CCNL1: variants seen among roughly 807,000 people sequenced by gnomAD.
CCNL1 encodes cyclin-L1.
CCNL1 carries 13 observed loss-of-function variants against 60.6 expected under a neutral mutation model. That is an observed-to-expected ratio of 0.21 (90% CI 0.14 to 0.34). The LOEUF (loss-of-function observed/expected upper bound fraction) is 0.34, where lower values mean the gene tolerates loss of function less well. CCNL1 is among the 10% of genes least tolerant of loss of function. The pLI, the probability that CCNL1 is intolerant of heterozygous loss-of-function variation, is 1.00. For synonymous variants in CCNL1, 270 were observed against 244.3 expected (o/e 1.10, Z -0.98); for missense variants, 481 against 664.3 (o/e 0.72, Z 3.03).
rs769608405 is a variant in CCNL1 at position 157,149,613 on chromosome 3, T to C, written c.1022-17A>G. ...TTGGTGATGCTTTTAAAAGATATAA[T>C]AACAACATGTTAACTACTGGATTTA... On this transcript the variant is annotated splice_polypyrimidine_tract_variant and intron_variant, in intron 8 of 10. Transcript: ENST00000295926. 1.0e-5 allele frequency: 16 copies of C among 1,601,960 alleles called. No individual in the cohort carries two copies. Among genetic ancestry groups the C allele is most frequent in the Middle Eastern group, 1.7e-4 (1 of 6,028 alleles).
intron 6 of CCNL1, 26 bp downstream of exon 6, chr3:157,150,256 G>C (rs201379240): frequency 5.0e-6 from 8 of 1,612,326 alleles, no homozygotes; most frequent in Non-Finnish European, 6.8e-6. Flanking sequence ...TTATCCTACA[G>C]AACAAAATGG....
At chr3:157,144,394 C>T (rs1380710820), downstream of CCNL1, among the ~76,000 whole-genome samples, 1 of 152,154 alleles carries the variant, frequency 6.6e-6, no homozygotes, top group African/African-American at 2.4e-5. Context: ...ATTTGCCCAA[C>T]ACATATACTA....
rs1737842238 is a variant in CCNL1 at position 157,147,739 on chromosome 3, T to C, written c.*502A>G. 1.0e-6 allele frequency: 1 copy of C among 984,528 alleles called. No homozygotes were observed. The highest frequency in any genetic ancestry group is 1.2e-6 in the Non-Finnish European group (1 of 829,102). The allele number at this position is 984,528 out of a possible 1,614,324, so 61.0% of individuals were successfully genotyped here. ...GTTTGTCAGAAAACCAGTACAGCCA[T>C]TTTGCTATTAAAATTTTCCTTTTTA... On this transcript the variant is annotated 3_prime_UTR_variant, in exon 11 of 11. Coordinates refer to ENST00000295926, the MANE Select transcript of CCNL1 (RefSeq NM_020307.4).
Position 157,152,161 on chromosome 3 carries a change from T to C in CCNL1, c.674+16A>G. 6.2e-7 allele frequency: 1 copy of C among 1,607,218 alleles called. No individual in the cohort carries two copies. Among genetic ancestry groups the C allele is most frequent in the Non-Finnish European group, 8.5e-7 (1 of 1,178,086 alleles). ...TGTTTTCCTGGCTAGGAAAGAAATCTAAAAAAGTGACTTACCAGGCAGTTT... is the reference window on the plus strand; with the variant it reads ...TGTTTTCCTGGCTAGGAAAGAAATCCAAAAAAGTGACTTACCAGGCAGTTT... On this transcript the variant is annotated intron_variant, in intron 5 of 10. Coordinates refer to ENST00000295926, the MANE Select transcript of CCNL1 (RefSeq NM_020307.4).
At chr3:157,158,457 A>C (rs1738796068) in intron 3 of CCNL1, among the ~76,000 whole-genome samples, 1 of 151,622 alleles carries the variant, frequency 6.6e-6, no homozygotes, top group African/African-American at 2.4e-5. Context: ...AGAAAAACAT[A>C]ATCTACACAG....
chr3:157,149,816 T>A lies in CCNL1; in HGVS notation c.1021+20A>T, dbSNP rs765239751. On this transcript the variant is annotated intron_variant, in intron 8 of 10. Transcript: ENST00000295926. ...CACTTTCAGTGCCCCCAAGTCATTT[T>A]AATTCTAAATACATCTTACATGGCT... 7.5e-6 allele frequency: 12 copies of A among 1,604,372 alleles called. No individual in the cohort carries two copies. The highest frequency in any genetic ancestry group is 7.6e-6 in the Non-Finnish European group (9 of 1,177,456).
At chr3:157,159,592 C>A in intron 1 of CCNL1, 113 bp from the exon 2 acceptor site, 1 of 1,099,410 alleles carries the variant, frequency 9.1e-7, no homozygotes, top group Non-Finnish European at 1.3e-6. Flanking sequence ...GCCGCCGCCG[C>A]TGCGAACAGC....
At chr3:157,152,368 T>A in intron 4 of CCNL1, 127 bp from the exon 5 acceptor site, 1 of 1,434,786 alleles carries the variant, frequency 7.0e-7, no homozygotes. Flanking sequence ...ACAGACCAAT[T>A]TAAATGTACA....
intron 5 of CCNL1, chr3:157,150,652 G>T: frequency 4.4e-6 from 5 of 1,124,248 alleles, no homozygotes; most frequent in Middle Eastern, 4.0e-4. Context: ...CTCCTAAAAA[G>T]TTAATATATT....
intron 9 of CCNL1, 40 bp from the exon 10 acceptor site, chr3:157,149,425 G>A: frequency 6.2e-7 from 1 of 1,608,114 alleles, no homozygotes; most frequent in Non-Finnish European, 8.5e-7. Context: ...AACTTAGTGT[G>A]TTAAAAAGTA....
intron 4 of CCNL1, 134 bp downstream of exon 4, chr3:157,152,902 G>A: frequency 7.0e-7 from 1 of 1,437,894 alleles, no homozygotes; most frequent in Non-Finnish European, 9.1e-7. Context: ...GTTTTTCGAT[G>A]AAGCCTGAAC....
At chr3:157,149,149 T>C in intron 10 of CCNL1, 138 bp downstream of exon 10, 1 of 642,128 alleles carries the variant, frequency 1.6e-6, no homozygotes, top group East Asian at 2.7e-5. Flanking sequence ...TCCAAACTCA[T>C]TTCTCATAAT....
chr3:157,149,440 CAT>C, intron 9 of CCNL1, 43 bp downstream of exon 9: 1 of 1,608,354 alleles, frequency 6.2e-7, no homozygotes, highest in East Asian at 2.2e-5. Context: ...AAAGTAAACA[CAT>C]AAAAGATTCC....
intron 5 of CCNL1, chr3:157,150,953 C>A: frequency 1.0e-6 from 1 of 984,572 alleles, no homozygotes; most frequent in Non-Finnish European, 1.2e-6. Context: ...TGTTTACATA[C>A]CTTTTTTGTG....
chr3:157,151,689 A>T, intron 5 of CCNL1: 1 of 996,038 alleles, frequency 1.0e-6, no homozygotes. Context: ...TTTGATAGTT[A>T]CAAGTATACA....
Position 157,148,231 on chromosome 3 carries a change from G to A in CCNL1, c.*10C>T. ...ACCAAGAACTGATGCAGGCTCAAAGGAAGAGAAAGTCAGCGCCTGTGCCTG... is the reference window on the plus strand; with the variant it reads ...ACCAAGAACTGATGCAGGCTCAAAGAAAGAGAAAGTCAGCGCCTGTGCCTG... On this transcript the variant is annotated 3_prime_UTR_variant, in exon 11 of 11. Coordinates refer to ENST00000295926, the MANE Select transcript of CCNL1 (RefSeq NM_020307.4). 6.2e-7 allele frequency: 1 copy of A among 1,608,622 alleles called. No individual in the cohort carries two copies. The highest frequency in any genetic ancestry group is 8.5e-7 in the Non-Finnish European group (1 of 1,176,624).
chr3:157,150,779 A>G (rs1324077826), intron 5 of CCNL1: 2 of 993,014 alleles, frequency 2.0e-6, no homozygotes, highest in South Asian at 9.0e-5. Flanking sequence ...TTTATCCACA[A>G]TAAAAGCAGT....
rs1044859631 is a variant in CCNL1 at position 157,158,992 on chromosome 3, G to A, written c.379-17C>T. ...AGCAACAATCTGAAAGAACCCATGAGCCACAAAAGCCATTGTTAGATTAAA... is the reference window on the plus strand; with the variant it reads ...AGCAACAATCTGAAAGAACCCATGAACCACAAAAGCCATTGTTAGATTAAA... On this transcript the variant is annotated splice_polypyrimidine_tract_variant and intron_variant, in intron 2 of 10. Coordinates refer to ENST00000295926, the MANE Select transcript of CCNL1 (RefSeq NM_020307.4). 11 of 1,517,310 alleles carry A rather than the reference G, an allele frequency of 7.2e-6. No homozygotes were observed. The highest frequency in any genetic ancestry group is 1.4e-5 in the African/African-American group (1 of 72,400). The allele number at this position is 1,517,310 out of a possible 1,614,324, so 94.0% of individuals were successfully genotyped here. A position where few individuals can be genotyped will look rare whatever the true frequency, so the allele number is the denominator to read the frequency against.
chr3:157,155,487 A>G (rs371651561), intron 3 of CCNL1, among the ~76,000 whole-genome samples: 1 of 152,302 alleles, frequency 6.6e-6, no homozygotes. Context: ...CTATAATTCA[A>G]TATATACTTA....
Sources: gnomAD v4.1 joint callset for allele counts (sites outside exome capture counted in the v4.1 genomes callset) on GRCh38, gnomAD v4.1.1 for gene constraint, MANE v1.5 for transcripts, NCBI Gene and HGNC (gene_info 2026-07-23, HGNC 2026-07-21) for gene names.